The following CACNG2 variants were observed in gnomAD, a reference collection of about 807,000 sequenced individuals.
The protein encoded by CACNG2 is calcium voltage-gated channel auxiliary subunit gamma 2, also known as voltage-dependent calcium channel gamma-2 subunit.
In CACNG2, 3 loss-of-function variants were observed where a neutral mutation model predicts 25.9. The observed-to-expected ratio is 0.12, with a 90% confidence interval of 0.05 to 0.30. The LOEUF (loss-of-function observed/expected upper bound fraction) is 0.30, where lower values mean the gene tolerates loss of function less well. Ranked by LOEUF, CACNG2 falls within the 10% of genes least tolerant of loss-of-function variation. CACNG2 has a pLI of 1.00. For synonymous variants in CACNG2, 167 were observed against 173.3 expected, an observed-to-expected ratio of 0.96 and a Z score of 0.29; for missense variants, 341 against 432.5, an observed-to-expected ratio of 0.79 and a Z score of 1.88.
intron 1 of CACNG2, among the ~76,000 whole-genome samples, chr22:36,617,533 G>C (rs1402155730): frequency 6.6e-6 from 1 of 151,458 alleles, no homozygotes; most frequent in Non-Finnish European, 1.5e-5. Context: ...ATCTGAGTCT[G>C]TTTCCTCATC....
At chr22:36,589,003 C>CCCT (rs1935547779) in intron 1 of CACNG2, among the ~76,000 whole-genome samples, 1 of 88,022 alleles carries the variant, frequency 1.1e-5, no homozygotes, top group African/African-American at 4.4e-5. Flanking sequence ...TTTTTTTTTT[C>CCCT]CCCCTGAAAT....
chr22:36,655,683 C>CTT (rs1370132693), intron 1 of CACNG2, among the ~76,000 whole-genome samples: 1 of 150,622 alleles, frequency 6.6e-6, no homozygotes, highest in Non-Finnish European at 1.5e-5. Flanking sequence ...CTCTTCCTTT[C>CTT]TTCCTTCCTT....
chr22:36,670,884 G>A (rs796394648), intron 1 of CACNG2, among the ~76,000 whole-genome samples: 13 of 151,458 alleles, frequency 8.6e-5, no homozygotes, highest in African/African-American at 2.9e-4. Flanking sequence ...AAAGAGCAAG[G>A]CAGTCAGAAT....
At chr22:36,660,636 C>T (rs1431987405) in intron 1 of CACNG2, among the ~76,000 whole-genome samples, 1 of 152,242 alleles carries the variant, frequency 6.6e-6, no homozygotes, top group Non-Finnish European at 1.5e-5. Flanking sequence ...CCACCTTGCC[C>T]AGGTGAGGCG....
intron 1 of CACNG2, among the ~76,000 whole-genome samples, chr22:36,701,510 C>A (rs1038446476): frequency 6.6e-6 from 1 of 151,930 alleles, no homozygotes; most frequent in South Asian, 2.1e-4. Flanking sequence ...CTGACACCCC[C>A]ACTCCCCCCT....
chr22:36,696,200 G>A (rs577098806), intron 1 of CACNG2, among the ~76,000 whole-genome samples: 1 of 152,102 alleles, frequency 6.6e-6, no homozygotes, highest in Non-Finnish European at 1.5e-5. Context: ...CTATTTAGAG[G>A]ACTTGCACCC....
chr22:36,602,183 A>T (rs929340956), intron 1 of CACNG2, among the ~76,000 whole-genome samples: 3 of 152,044 alleles, frequency 2.0e-5, no homozygotes, highest in Admixed American at 6.6e-5. Flanking sequence ...TTTTCTTGCT[A>T]TTGAGTTGTA....
chr22:36,638,451 T>A (rs1279641070), intron 1 of CACNG2, among the ~76,000 whole-genome samples: 1 of 152,204 alleles, frequency 6.6e-6, no homozygotes, highest in Non-Finnish European at 1.5e-5. Context: ...CATGCTGAGC[T>A]TCTGGTACTT....
At chr22:36,620,215 G>A (rs2267353) in intron 1 of CACNG2, among the ~76,000 whole-genome samples, 13,347 of 152,248 alleles carry the variant, frequency 0.088, 804 homozygotes, top group East Asian at 0.23. Flanking sequence ...AAGACAAGTA[G>A]TTGGACACCT....
chr22:36,607,559 A>G (rs904062926), intron 1 of CACNG2, among the ~76,000 whole-genome samples: 8 of 152,170 alleles, frequency 5.3e-5, no homozygotes, highest in Non-Finnish European at 8.8e-5. Context: ...GGTCCATTTT[A>G]ATCACATATG....
intron 1 of CACNG2, among the ~76,000 whole-genome samples, chr22:36,649,631 A>G (rs1010907567): frequency 2.6e-5 from 4 of 152,156 alleles, no homozygotes; most frequent in South Asian, 2.1e-4. Flanking sequence ...TGTGTCCCCA[A>G]CTGAATCTCA....
At chr22:36,575,131 C>T (rs1935292177) in intron 2 of CACNG2, among the ~76,000 whole-genome samples, 1 of 152,208 alleles carries the variant, frequency 6.6e-6, no homozygotes, top group East Asian at 1.9e-4. Context: ...AATCCTAACT[C>T]CGTCTACCTT....
chr22:36,569,736 C>T (rs369997829), intron 2 of CACNG2, among the ~76,000 whole-genome samples: 4 of 152,164 alleles, frequency 2.6e-5, no homozygotes, highest in African/African-American at 7.2e-5. Context: ...GATGGGTTTT[C>T]GCCATGTTGG....
chr22:36,703,553 C>A lies in CACNG2; in HGVS notation c.-977G>T, dbSNP rs1398740701. On this transcript the variant is annotated 5_prime_UTR_variant, in exon 1 of 4. Coordinates refer to ENST00000300105, the MANE Select transcript of CACNG2 (RefSeq NM_006078.5). ...TGGTGCTGAACCGGACAGCTCCCTG[C>A]GCCGCCCGCTCCGCGCGCTCCCCGG... The A allele has an allele frequency of 7.3e-6, 1 of 136,822 alleles. No homozygotes were observed. The highest frequency in any genetic ancestry group is 3.0e-5 in the African/African-American group (1 of 33,886). The allele number at this position is 136,822 out of a possible 1,614,324, so 8.5% of individuals were successfully genotyped here. A position where few individuals can be genotyped will look rare whatever the true frequency, so the allele number is the denominator to read the frequency against.
Position 36,587,534 on chromosome 22 carries a change from G to T in CACNG2, c.226C>A (p.Leu76Met). 1 of 1,613,026 alleles carries T rather than the reference G, an allele frequency of 6.2e-7. No individual in the cohort carries two copies. Among genetic ancestry groups the T allele is most frequent in the South Asian group, 1.1e-5 (1 of 91,072 alleles). Residue 76 changes from leucine to methionine, a missense_variant, in exon 2 of 4, where the codon CTG becomes ATG. By Grantham distance (15) the Leu-to-Met change is conservative. This residue lies in a region of CACNG2 where 169 missense variants were observed against 254.4 expected (regional missense o/e 0.66). Coordinates refer to ENST00000300105, the MANE Select transcript of CACNG2 (RefSeq NM_006078.5). ...GGGAAGTGATCAATTTGCTTGCACA[G>T]ACCTTTGAAATTCCCTGCAAAACAA... The part of the protein sequence containing the change: ...TCCLEGNFKG[L>M]CKQIDHFPED...
chr22:36,618,232 G>A (rs964824386), intron 1 of CACNG2, among the ~76,000 whole-genome samples: 16 of 152,184 alleles, frequency 1.1e-4, no homozygotes, highest in African/African-American at 2.9e-4. Context: ...ATATGGCTGC[G>A]TCTTCATCTG....
intron 1 of CACNG2, among the ~76,000 whole-genome samples, chr22:36,608,843 T>G (rs1421530091): frequency 1.3e-5 from 2 of 152,230 alleles, no homozygotes; most frequent in African/African-American, 4.8e-5. Context: ...AATCTACATG[T>G]GAGCTCTTTG....
chr22:36,564,522 C>T lies in CACNG2; in HGVS notation c.801G>A (p.Glu267=). ...IKGFNTLPST[E]ISMYTLSRDP... ...CCCTGCTGAGCGTGTACATGGAGAT[C>T]TCCGTGGACGGCAGGGTGTTGAAGC... The change falls in exon 4 of 4, where the codon GAG becomes GAA. Residue 267 remains glutamate, a synonymous_variant. Coordinates refer to ENST00000300105, the MANE Select transcript of CACNG2 (RefSeq NM_006078.5). This position sits in a 1 kb window ranked among gnomAD's most constrained non-coding sequence, Gnocchi z 6.7. 6.2e-7 allele frequency: 1 copy of T among 1,614,110 alleles called. No homozygotes were observed. Among genetic ancestry groups the T allele is most frequent in the East Asian group, 2.2e-5 (1 of 44,872 alleles).
intron 1 of CACNG2, among the ~76,000 whole-genome samples, chr22:36,660,662 C>T (rs1028886324): frequency 6.6e-5 from 10 of 152,224 alleles, no homozygotes; most frequent in African/African-American, 2.2e-4. Flanking sequence ...GGCGGGGCAG[C>T]GTGTGCGCTT....
Sources: allele counts gnomAD v4.1 joint callset (sites outside exome capture counted in the v4.1 genomes callset), GRCh38; gene constraint gnomAD v4.1.1; regional missense constraint gnomAD v4.1.1; non-coding constraint Gnocchi (gnomAD v3.1); transcripts MANE v1.5; gene names NCBI Gene and HGNC (gene_info 2026-07-23, HGNC 2026-07-21).